Variants in CDC42EP3 observed in about 807,000 individuals in gnomAD.
CDC42EP3 encodes CDC42 effector protein 3, also known as CDC42 effector protein (Rho GTPase binding) 3.
In CDC42EP3, 4 loss-of-function variants were observed where a neutral mutation model predicts 15.5. That is an observed-to-expected ratio of 0.26 (90% CI 0.13 to 0.59). The LOEUF (loss-of-function observed/expected upper bound fraction) is 0.59, where lower values mean the gene tolerates loss of function less well. CDC42EP3 is among the 20% of genes least tolerant of loss of function. The pLI, the probability that CDC42EP3 is intolerant of heterozygous loss-of-function variation, is 0.89. For synonymous variants in CDC42EP3, 145 were observed against 130.3 expected, an observed-to-expected ratio of 1.11 and a Z score of -0.77; for missense variants, 309 against 311.2, an observed-to-expected ratio of 0.99 and a Z score of 0.05.
intron 1 of CDC42EP3, among the ~76,000 whole-genome samples, chr2:37,661,913 C>T (rs1043565993): frequency 1.3e-5 from 2 of 152,034 alleles, no homozygotes; most frequent in Non-Finnish European, 2.9e-5. Context: ...TTCGACAGAG[C>T]TGGGCCTAGG....
intron 1 of CDC42EP3, among the ~76,000 whole-genome samples, chr2:37,670,767 G>A (rs1047289569): frequency 7.1e-6 from 1 of 140,940 alleles, no homozygotes; most frequent in East Asian, 2.0e-4. Flanking sequence ...GTCGAGAGAG[G>A]GATAGAGTAT....
intron 1 of CDC42EP3, among the ~76,000 whole-genome samples, chr2:37,664,215 A>C (rs904640139): frequency 5.3e-5 from 8 of 152,288 alleles, no homozygotes; most frequent in Non-Finnish European, 1.0e-4. Flanking sequence ...GGAACGTGGA[A>C]GGACTAGACT....
intron 1 of CDC42EP3, among the ~76,000 whole-genome samples, chr2:37,666,190 CTG>C (rs1268011888): frequency 6.6e-6 from 1 of 152,194 alleles, no homozygotes; most frequent in Non-Finnish European, 1.5e-5. Flanking sequence ...AGCTTCTGTT[CTG>C]TGTTTCCCAG....
intron 1 of CDC42EP3, among the ~76,000 whole-genome samples, chr2:37,664,587 C>T (rs1657822569): frequency 6.6e-6 from 1 of 152,154 alleles, no homozygotes; most frequent in South Asian, 2.1e-4. Flanking sequence ...GATTTCTGAC[C>T]TGACAACAAC....
chr2:37,663,926 G>A (rs547904768), intron 1 of CDC42EP3, among the ~76,000 whole-genome samples: 71 of 152,156 alleles, frequency 4.7e-4, no homozygotes, highest in Non-Finnish European at 9.9e-4. Context: ...TGTAATCCCA[G>A]CACTTTGGGA....
intron 1 of CDC42EP3, among the ~76,000 whole-genome samples, chr2:37,656,791 C>A (rs1665862313): frequency 6.6e-6 from 1 of 152,050 alleles, no homozygotes; most frequent in African/African-American, 2.4e-5. Context: ...GAGCGCAACA[C>A]GGATGAGAGG....
chr2:37,646,773 T>A lies in CDC42EP3; in HGVS notation c.-186A>T. ...CCTGAGGTTACGGCCAAGTGAGGCT[T>A]CCTAGAGAGCCAGTTACATCATCCA... is the stretch of plus-strand genomic sequence containing the variant. On this transcript the variant is annotated 5_prime_UTR_variant, in exon 2 of 2. Coordinates refer to ENST00000295324, the MANE Select transcript of CDC42EP3 (RefSeq NM_006449.5). The A allele has an allele frequency of 1.7e-6, 1 of 574,000 alleles. No homozygotes were observed. Among genetic ancestry groups the A allele is most frequent in the Non-Finnish European group, 3.1e-6 (1 of 323,488 alleles). 35.6% of individuals were successfully genotyped at this position (574,000 alleles called of 1,614,324 possible). A position where few individuals can be genotyped will look rare whatever the true frequency, so the allele number is the denominator to read the frequency against.
intron 1 of CDC42EP3, among the ~76,000 whole-genome samples, chr2:37,664,939 C>G (rs1256640595): frequency 6.6e-6 from 1 of 152,064 alleles, no homozygotes; most frequent in Non-Finnish European, 1.5e-5. Flanking sequence ...GGGAGAGGAT[C>G]AGAAAGACTA....
rs766266499 is a variant in CDC42EP3 at position 37,645,645 on chromosome 2, G to T, written c.*178C>A. On this transcript the variant is annotated 3_prime_UTR_variant, in exon 2 of 2. Coordinates refer to ENST00000295324, the MANE Select transcript of CDC42EP3 (RefSeq NM_006449.5). ...TTGCCAAGATAGGTTTTGCTTTGTT[G>T]TTTTTTTCTAAATTGTTTTTGCAAA... The T allele has an allele frequency of 1.9e-4, 97 of 514,186 alleles. No individual in the cohort carries two copies. The highest frequency in any genetic ancestry group is 3.2e-4 in the Admixed American group (9 of 27,998). The allele number at this position is 514,186 out of a possible 1,614,324, so 31.9% of individuals were successfully genotyped here.
rs1468990133 is a variant in CDC42EP3 at position 37,642,878 on chromosome 2, T to C, written c.*2945A>G. The C allele has an allele frequency of 6.6e-6, 1 of 152,178 alleles. No homozygotes were observed. The highest frequency in any genetic ancestry group is 1.5e-5 in the Non-Finnish European group (1 of 68,004). The allele number at this position is 152,178 out of a possible 1,614,324, so 9.4% of individuals were successfully genotyped here. A position where few individuals can be genotyped will look rare whatever the true frequency, so the allele number is the denominator to read the frequency against. ...CTTTTGTGTGTGCTGTTAACAGTGA[T>C]TTCTGGCTCAGTGAAATGTGATAAT... is the stretch of plus-strand genomic sequence containing the variant. On this transcript the variant is annotated 3_prime_UTR_variant, in exon 2 of 2. Coordinates refer to ENST00000295324, the MANE Select transcript of CDC42EP3 (RefSeq NM_006449.5).
chr2:37,662,320 C>A lies in CDC42EP3; in HGVS notation c.-236+9106G>T, dbSNP rs188791574. 3.9e-4 allele frequency among the ~76,000 whole-genome samples: 59 copies of A among 152,220 alleles called. 2 individuals are homozygous for A. The East Asian group carries it at 8.9e-3, about 23-fold the overall frequency. The stretch of plus-strand genomic sequence containing the variant: ...GAGCATAAAGTGCTTGGCAAAGCAC[C>A]TGGCAGGCAATGAGCCCATATCAAT... On this transcript the variant is annotated intron_variant, in intron 1 of 1. Transcript: ENST00000295324.
At chr2:37,664,921 C>T (rs149684868) in intron 1 of CDC42EP3, among the ~76,000 whole-genome samples, 71 of 151,772 alleles carry the variant, frequency 4.7e-4, no homozygotes, top group African/African-American at 1.5e-3. Context: ...GGGGGAAGGG[C>T]GGGAGGAGGG....
intron 1 of CDC42EP3, among the ~76,000 whole-genome samples, chr2:37,656,949 G>A (rs560207636): frequency 1.4e-5 from 2 of 142,562 alleles, no homozygotes; most frequent in African/African-American, 5.3e-5. Flanking sequence ...TGTGGTAAAC[G>A]TCAAAAGATT....
At position 37,653,293 on chromosome 2, in the gene CDC42EP3, A is replaced by G. The variant is rs372399353; in HGVS notation, c.-235-6471T>C. On this transcript the variant is annotated intron_variant, in intron 1 of 1. Transcript: ENST00000295324. ...TTACAGGTTGTGTGAGAAATCCAAG[A>G]GTTTCAATACACAAAAGGACCGGAG... Among the ~76,000 whole-genome samples, 26 of 152,276 alleles carry G rather than the reference A, an allele frequency of 1.7e-4. 1 individual carries two copies. In the East Asian group the frequency reaches 4.6e-3, roughly 27 times the overall value.
At chr2:37,653,945 C>T (rs1199507641) in intron 1 of CDC42EP3, among the ~76,000 whole-genome samples, 1 of 152,212 alleles carries the variant, frequency 6.6e-6, no homozygotes, top group Non-Finnish European at 1.5e-5. Context: ...TCGGTTGTCA[C>T]ATCCTTCAGG....
chr2:37,655,445 T>A (rs956559704), intron 1 of CDC42EP3, among the ~76,000 whole-genome samples: 1 of 152,180 alleles, frequency 6.6e-6, no homozygotes. Context: ...AGACAGAAGG[T>A]CCACCTCACA....
intron 1 of CDC42EP3, among the ~76,000 whole-genome samples, chr2:37,651,334 T>C (rs1665670163): frequency 6.6e-6 from 1 of 152,210 alleles, no homozygotes; most frequent in Non-Finnish European, 1.5e-5. Flanking sequence ...CTATTTTTTT[T>C]TAAATCACAA....
intron 1 of CDC42EP3, among the ~76,000 whole-genome samples, chr2:37,660,932 A>G (rs1166319842): frequency 6.6e-6 from 1 of 152,170 alleles, no homozygotes; most frequent in African/African-American, 2.4e-5. Flanking sequence ...ATTGGAAGGG[A>G]CTTCATACCA....
chr2:37,647,000 G>A (rs1356125507), intron 1 of CDC42EP3, among the ~76,000 whole-genome samples, 178 bp from the exon 2 acceptor site: 2 of 152,186 alleles, frequency 1.3e-5, no homozygotes, highest in Non-Finnish European at 2.9e-5. Flanking sequence ...GAAAGAGAAA[G>A]ACCTAAAAAC....
Sources: gnomAD v4.1 joint callset for allele counts (sites outside exome capture counted in the v4.1 genomes callset) on GRCh38, gnomAD v4.1.1 for gene constraint, MANE v1.5 for transcripts, NCBI Gene and HGNC (gene_info 2026-07-23, HGNC 2026-07-21) for gene names.